Variants in BRD4 observed in about 807,000 individuals in gnomAD.
BRD4 encodes bromodomain containing 4, also known as bromodomain-containing protein 4.
BRD4 carries 16 observed loss-of-function variants against 142.1 expected under a neutral mutation model. The observed-to-expected ratio is 0.11, with a 90% CI of 0.08 to 0.17. BRD4 has a LOEUF of 0.17. BRD4 is among the 10% of genes least tolerant of loss of function. The probability of loss-of-function intolerance (pLI) is 1.00; values close to 1 mark genes in which losing one functional copy is unlikely to be tolerated. For missense variants in BRD4, 1,424 were observed against 1,810.9 expected (o/e 0.79, Z 3.88); for synonymous variants, 833 against 707.5 (o/e 1.18, Z -2.82).
At chr19:15,312,415 C>T (rs2047979397) in intron 1 of BRD4, among the ~76,000 whole-genome samples, 1 of 152,126 alleles carries the variant, frequency 6.6e-6, no homozygotes, top group Admixed American at 6.6e-5. Context: ...GGGCAGATCA[C>T]CTGAGATCAG....
At chr19:15,298,732 C>G (rs2145683188) in intron 1 of BRD4, among the ~76,000 whole-genome samples, 1 of 149,600 alleles carries the variant, frequency 6.7e-6, no homozygotes, top group African/African-American at 2.4e-5. Context: ...TACAGCTTCC[C>G]TAACACTTTG....
intron 1 of BRD4, among the ~76,000 whole-genome samples, chr19:15,311,116 C>T (rs187290991): frequency 3.4e-3 from 513 of 151,868 alleles, no homozygotes; most frequent in Non-Finnish European, 5.6e-3. Context: ...CATGGCGAAA[C>T]CCTGTCTGTA....
intron 1 of BRD4, among the ~76,000 whole-genome samples, chr19:15,288,195 C>T (rs1379554420): frequency 2.0e-5 from 3 of 152,124 alleles, no homozygotes; most frequent in Admixed American, 6.5e-5. Flanking sequence ...TGAACATGGG[C>T]GTACAAATAC....
At chr19:15,318,468 G>A (rs762899293) in intron 1 of BRD4, among the ~76,000 whole-genome samples, 9 of 152,294 alleles carry the variant, frequency 5.9e-5, no homozygotes, top group Middle Eastern at 3.4e-3. Context: ...GTGGCACTGT[G>A]TACACTGCTT....
At chr19:15,285,920 G>A (rs1320295343) in intron 1 of BRD4, among the ~76,000 whole-genome samples, 1 of 152,152 alleles carries the variant, frequency 6.6e-6, no homozygotes, top group Non-Finnish European at 1.5e-5. Context: ...ACTGCTTTAG[G>A]AGGCGTGTGT....
Position 15,239,490 on chromosome 19 carries a change from G to T in BRD4, c.3478C>A (p.Pro1160Thr). The change falls in exon 17 of 20, where the codon CCT (proline) becomes ACT (threonine). Residue 1160 changes from proline to threonine, a missense_variant. Transcript: ENST00000679869. This position sits in a 1 kb window ranked among gnomAD's most constrained non-coding sequence, Gnocchi z 7.4. Reference protein sequence around the residue: ...PEMKPVDVGRPVIRPPEQNAP... With the variant: ...PEMKPVDVGRTVIRPPEQNAP... The stretch of plus-strand genomic sequence containing the variant: ...TTCTGCTCTGGGGGCCGGATCACAG[G>T]CCTCCCGACATCCACAGGCTTCATT... 6.2e-7 allele frequency: 1 copy of T among 1,613,916 alleles called. No homozygotes were observed. Among genetic ancestry groups the T allele is most frequent in the South Asian group, 1.1e-5 (1 of 91,086 alleles).
intron 1 of BRD4, among the ~76,000 whole-genome samples, chr19:15,296,325 G>A (rs2047822687): frequency 6.6e-6 from 1 of 152,166 alleles, no homozygotes; most frequent in Non-Finnish European, 1.5e-5. Context: ...AACATCAACT[G>A]CTTCTTTATA....
intron 1 of BRD4, chr19:15,275,539 T>TG (rs2145632848): frequency 6.6e-6 from 1 of 152,290 alleles, no homozygotes; most frequent in African/African-American, 2.4e-5. Context: ...CCAACACAGA[T>TG]GGTCGTGACA....
rs75942366 is a variant in BRD4, at chr19:15,266,080, T to C, written c.560-437A>G. Among the ~76,000 whole-genome samples the C allele has an allele frequency of 6.6e-5, 10 of 152,340 alleles. No homozygotes were observed. In the East Asian group the frequency reaches 1.7e-3, roughly 26 times the overall value. On this transcript the variant is annotated intron_variant, in intron 4 of 19. Transcript: ENST00000679869. ...CGCCCTTGCCAAGGTTTCTGGAAAC[T>C]GGCAGGCCCCCACCTCCTGGAACCA...
At chr19:15,309,149 C>T (rs1344074279) in intron 1 of BRD4, among the ~76,000 whole-genome samples, 1 of 151,652 alleles carries the variant, frequency 6.6e-6, no homozygotes, top group Admixed American at 6.6e-5. Flanking sequence ...CTGGCTAACA[C>T]GGCGAAACCC....
chr19:15,295,966 A>G (rs2047819575), intron 1 of BRD4, among the ~76,000 whole-genome samples: 1 of 151,528 alleles, frequency 6.6e-6, no homozygotes, highest in African/African-American at 2.4e-5. Flanking sequence ...GGCGAAACTC[A>G]GTCTCCAAAA....
At position 15,246,879 on chromosome 19, in the gene BRD4, C is replaced by A. The variant is rs564833312; in HGVS notation, c.2159-2117G>T. Reference sequence around the variant, plus strand: ...GCATGTGCACGGCAGACCCCCAGGACCAGATGCCTAAAGGGGCTGGTGGTA... The same window carrying A: ...GCATGTGCACGGCAGACCCCCAGGAACAGATGCCTAAAGGGGCTGGTGGTA... On this transcript the variant is annotated intron_variant, in intron 11 of 19. Transcript: ENST00000679869. 4.6e-5 allele frequency among the ~76,000 whole-genome samples: 7 copies of A among 152,208 alleles called. No individual in the cohort carries two copies. In the East Asian group the frequency reaches 1.4e-3, roughly 29 times the overall value.
intron 11 of BRD4, 57 bp from the exon 12 acceptor site, chr19:15,244,819 C>T (rs2047271583): frequency 6.2e-7 from 1 of 1,611,844 alleles, no homozygotes. Flanking sequence ...GTGAGCTGGC[C>T]TTGGATGAAG....
intron 1 of BRD4, among the ~76,000 whole-genome samples, chr19:15,292,483 C>T (rs1285488273): frequency 2.0e-5 from 3 of 152,072 alleles, no homozygotes; most frequent in Non-Finnish European, 2.9e-5. Flanking sequence ...GTAGATGTTT[C>T]GTTGAAAAGC....
intron 4 of BRD4, among the ~76,000 whole-genome samples, chr19:15,265,906 T>C (rs570660382): frequency 6.6e-6 from 1 of 152,238 alleles, no homozygotes; most frequent in South Asian, 2.1e-4. Flanking sequence ...TCATGAAGCC[T>C]GGAGGCCCAG....
In BRD4 at chr19:15,332,520, G is replaced by GCCA; in HGVS notation, c.-266_-265insTGG. ...CAGCCCAGCCGCCGCCGCCGCCGCC[G>GCCA]CCGCCGCCGCCAGCGCACTGACGTC... On this transcript the variant is annotated 5_prime_UTR_variant, in exon 1 of 20. Transcript: ENST00000679869. 2 of 162,984 alleles carry GCCA rather than the reference G, an allele frequency of 1.2e-5. No homozygotes were observed. Among genetic ancestry groups the GCCA allele is most frequent in the East Asian group, 1.8e-4 (1 of 5,626 alleles). The allele number at this position is 162,984 out of a possible 1,614,324, so 10.1% of individuals were successfully genotyped here. A position where few individuals can be genotyped will look rare whatever the true frequency, so the allele number is the denominator to read the frequency against.
intron 1 of BRD4, among the ~76,000 whole-genome samples, chr19:15,285,105 T>C (rs776586614): frequency 1.1e-4 from 17 of 152,214 alleles, no homozygotes; most frequent in Non-Finnish European, 1.8e-4. Context: ...TGCAGCCAAG[T>C]TGGCATCTTG....
chr19:15,297,682 G>GT (rs1269849272), intron 1 of BRD4, among the ~76,000 whole-genome samples: 5 of 152,190 alleles, frequency 3.3e-5, no homozygotes, highest in African/African-American at 1.2e-4. Context: ...ATCAGGTTTA[G>GT]TGGGAGATGC....
At chr19:15,327,966 CAAATCTCTGT>C (rs2048124382) in intron 1 of BRD4, among the ~76,000 whole-genome samples, 1 of 143,288 alleles carries the variant, frequency 7.0e-6, no homozygotes, top group African/African-American at 2.6e-5. Context: ...GTGATGGCTG[CAAATCTCTGT>C]AAATACATTT....
Sources: gnomAD v4.1 joint callset for allele counts (sites outside exome capture counted in the v4.1 genomes callset) on GRCh38, gnomAD v4.1.1 for gene constraint, Gnocchi (gnomAD v3.1) non-coding constraint, MANE v1.5 for transcripts, NCBI Gene and HGNC (gene_info 2026-07-23, HGNC 2026-07-21) for gene names.